The following NCOR2 variants were observed in gnomAD, a reference collection of about 807,000 sequenced individuals.
NCOR2 encodes nuclear receptor corepressor 2.
NCOR2 carries 81 observed loss-of-function variants against 262.9 expected under a neutral mutation model. That is an observed-to-expected ratio of 0.31 (90% CI 0.26 to 0.37). NCOR2 has a LOEUF of 0.37. Among genes scored for constraint, NCOR2 ranks in the 10% least tolerant of loss-of-function variants. The probability of loss-of-function intolerance (pLI) is 1.00; values close to 1 mark genes in which losing one functional copy is unlikely to be tolerated. For missense variants in NCOR2, 3,385 were observed against 3,621.4 expected (o/e 0.93, Z 1.68); for synonymous variants, 1,659 against 1,559.3 (o/e 1.06, Z -1.51).
Position 124,483,908 on chromosome 12 carries a change from G to A in NCOR2, c.234-135C>T, listed in dbSNP as rs907998315. On this transcript the variant is annotated intron_variant, in intron 2 of 46. Coordinates refer to ENST00000405201, the Ensembl canonical transcript of NCOR2. This position sits in a 1 kb window ranked among gnomAD's most constrained non-coding sequence, Gnocchi z 6.3. ...GATCCTGCCAGGAAGGTGCTCACAG[G>A]AGCCCACCTCCCACGGTCCCACAGC... The A allele has an allele frequency of 8.6e-6, 9 of 1,041,700 alleles. No homozygotes were observed. Among genetic ancestry groups the A allele is most frequent in the Non-Finnish European group, 1.0e-5 (8 of 764,100 alleles). 64.5% of individuals were successfully genotyped at this position (1,041,700 alleles called of 1,614,324 possible).
In NCOR2 at chr12:124,481,009, T is replaced by G. The variant is rs1417639008; in HGVS notation, c.411+2587A>C. On this transcript the variant is annotated intron_variant, in intron 3 of 46. Coordinates refer to ENST00000405201, the Ensembl canonical transcript of NCOR2. This position sits in a 1 kb window ranked among gnomAD's most constrained non-coding sequence, Gnocchi z 4.6. ...GATGGCCGCAGGCAGATGGGCTGGG[T>G]GGCGCTGGGTGGTGGCTGGGAGTGG... Among the ~76,000 whole-genome samples the G allele has an allele frequency of 7.0e-6, 1 of 143,862 alleles. No homozygotes were observed. The highest frequency in any genetic ancestry group is 2.6e-5 in the African/African-American group (1 of 38,142). The allele number at this position is 143,862 out of a possible 152,430, so 94.4% of individuals were successfully genotyped here.
At chr12:124,333,919 CAT>C (rs2035580090) in intron 41 of NCOR2, among the ~76,000 whole-genome samples, 1 of 130,672 alleles carries the variant, frequency 7.7e-6, no homozygotes, top group African/African-American at 3.0e-5. Flanking sequence ...TGCGGGTGTG[CAT>C]GTGTGTGCGC....
At chr12:124,411,426 C>G (rs184247198) in intron 13 of NCOR2, among the ~76,000 whole-genome samples, 91 of 152,312 alleles carry the variant, frequency 6.0e-4, no homozygotes, top group African/African-American at 2.2e-3. Flanking sequence ...GGGCTTCCTT[C>G]TTGGACCCAG....
At chr12:124,354,745 G>A (rs925173935) in intron 25 of NCOR2, 92 bp downstream of exon 27, 97 of 1,366,676 alleles carry the variant, frequency 7.1e-5, no homozygotes, top group Non-Finnish European at 8.9e-5. Context: ...CTGGAGTACC[G>A]TGGGCCAAGA....
intron 1 of NCOR2, among the ~76,000 whole-genome samples, chr12:124,533,085 C>T (rs542881436): frequency 7.4e-5 from 11 of 149,360 alleles, no homozygotes; most frequent in Non-Finnish European, 1.6e-4. Flanking sequence ...CTCCTACCTC[C>T]AAATCCCAAT....
At chr12:124,334,319 G>A in intron 41 of NCOR2, 105 bp downstream of exon 43, 1 of 773,502 alleles carries the variant, frequency 1.3e-6, no homozygotes. Flanking sequence ...AATGGCACCA[G>A]GCGGGCCTCA....
chr12:124,487,657 C>T (rs1476748303), intron 1 of NCOR2, among the ~76,000 whole-genome samples: 6 of 152,354 alleles, frequency 3.9e-5, no homozygotes, highest in East Asian at 3.9e-4. Context: ...CTGTCTTGGC[C>T]GTATTTGGCG....
intron 29 of NCOR2, 88 bp downstream of exon 31, chr12:124,348,086 C>CG: frequency 6.3e-7 from 1 of 1,578,374 alleles, no homozygotes; most frequent in Non-Finnish European, 8.6e-7. Flanking sequence ...AGCCCAGCCT[C>CG]GGTTTCCCCA....
chr12:124,505,598 G>A (rs2048999689), intron 1 of NCOR2, among the ~76,000 whole-genome samples: 1 of 152,110 alleles, frequency 6.6e-6, no homozygotes, highest in Admixed American at 6.6e-5. Context: ...TCCCAACTCC[G>A]CCACTTCCAC....
intron 43 of NCOR2, 132 bp downstream of exon 45, chr12:124,332,187 G>A: frequency 9.0e-7 from 1 of 1,116,744 alleles, no homozygotes; most frequent in South Asian, 1.5e-5. Context: ...CCTGGGGGGA[G>A]GTGGTCAGCA....
Position 124,500,746 on chromosome 12 carries a change from G to C in NCOR2, c.-117-5378C>G, listed in dbSNP as rs11057640. On this transcript the variant is annotated intron_variant, in intron 1 of 46. Coordinates refer to the NCOR2 transcript ENST00000404621. ...AGCTCCGGCAGGATGAGGCCACACC[G>C]AGACACATTCCATAGATTTTCTGTG... Among the ~76,000 whole-genome samples the C allele has an allele frequency of 5.3e-3, 809 of 152,202 alleles. 31 individuals are homozygous for C. The East Asian group carries it at 0.098, about 18-fold the overall frequency.
chr12:124,361,673 G>A (rs951097461), intron 22 of NCOR2, among the ~76,000 whole-genome samples: 8 of 152,310 alleles, frequency 5.3e-5, no homozygotes, highest in African/African-American at 9.6e-5. Flanking sequence ...GCTGCCAGCC[G>A]GGTGCTGGGC....
intron 19 of NCOR2, among the ~76,000 whole-genome samples, chr12:124,374,038 T>C (rs1040064605): frequency 1.3e-5 from 2 of 152,194 alleles, no homozygotes; most frequent in African/African-American, 2.4e-5. Context: ...GCCGCATTCC[T>C]GGCTCTCTAG....
At chr12:124,387,846 C>A (rs1472431395) in intron 16 of NCOR2, among the ~76,000 whole-genome samples, 20 of 152,152 alleles carry the variant, frequency 1.3e-4, no homozygotes, top group Admixed American at 1.3e-3. Flanking sequence ...AGACCCGGCA[C>A]CCGGGTGGGA....
chr12:124,339,410 C>A (rs539362366), intron 37 of NCOR2, among the ~76,000 whole-genome samples: 1 of 147,688 alleles, frequency 6.8e-6, no homozygotes. Context: ...CTACCACCCA[C>A]CCACCCACAC....
intron 13 of NCOR2, among the ~76,000 whole-genome samples, chr12:124,407,821 G>A (rs1246967992): frequency 6.6e-6 from 1 of 152,226 alleles, no homozygotes; most frequent in African/African-American, 2.4e-5. Context: ...CTGAGAGGGC[G>A]CATCCTCATG....
At chr12:124,402,535 C>CTGCTGTTGT in exon 14 of NCOR2, 4 of 1,570,188 alleles carry the variant, frequency 2.5e-6, no homozygotes, top group Non-Finnish European at 2.6e-6. Flanking sequence ...GCTGCTGCTG[C>CTGCTGTTGT]TGCTGCTGCT....
intron 22 of NCOR2, among the ~76,000 whole-genome samples, chr12:124,361,872 G>C (rs978678107): frequency 6.6e-6 from 1 of 152,270 alleles, no homozygotes; most frequent in Non-Finnish European, 1.5e-5. Flanking sequence ...ACCACCCCAG[G>C]CCTGATTTGC....
intron 6 of NCOR2, among the ~76,000 whole-genome samples, chr12:124,452,615 G>A (rs1465569729): frequency 1.3e-5 from 2 of 152,274 alleles, no homozygotes; most frequent in African/African-American, 4.8e-5. Context: ...GGGCCAGAAA[G>A]GGGCTGGAAG....
Sources: allele counts gnomAD v4.1 joint callset (sites outside exome capture counted in the v4.1 genomes callset), GRCh38; gene constraint gnomAD v4.1.1; non-coding constraint Gnocchi (gnomAD v3.1); transcripts MANE v1.5; gene names NCBI Gene and HGNC (gene_info 2026-07-23, HGNC 2026-07-21).